Variants in TENT4B observed in about 807,000 individuals in gnomAD.
The protein encoded by TENT4B is terminal nucleotidyltransferase 4B, also known as PAP associated domain containing 5.
In TENT4B, 10 loss-of-function variants were observed where a neutral mutation model predicts 75.0. The ratio of observed to expected loss-of-function variants is 0.13; its 90% CI spans 0.08 to 0.23. TENT4B has a LOEUF of 0.23. Ranked by LOEUF, TENT4B falls within the 10% of genes least tolerant of loss-of-function variation. The pLI is 1.00. For missense variants in TENT4B, 579 were observed against 893.8 expected (o/e 0.65, Z 4.49); for synonymous variants, 350 against 357.7 (o/e 0.98, Z 0.24).
chr16:50,210,426 G>C (rs143872285), intron 1 of TENT4B, among the ~76,000 whole-genome samples: 44 of 152,282 alleles, frequency 2.9e-4, no homozygotes, highest in African/African-American at 1.0e-3. Context: ...GCGCCTATCC[G>C]CAGGGTGTGG....
chr16:50,215,457 A>T (rs544917841), intron 3 of TENT4B, among the ~76,000 whole-genome samples: 6 of 152,222 alleles, frequency 3.9e-5, no homozygotes, highest in Non-Finnish European at 8.8e-5. Flanking sequence ...CACCTTTCTT[A>T]AAAAATTTAA....
chr16:50,198,792 A>C (rs2030448648), intron 1 of TENT4B, among the ~76,000 whole-genome samples: 1 of 152,352 alleles, frequency 6.6e-6, no homozygotes, highest in Admixed American at 6.5e-5. Context: ...TAGATTTTAC[A>C]TGAATTTTAA....
chr16:50,170,885 T>C (rs2038193776), intron 1 of TENT4B, among the ~76,000 whole-genome samples: 1 of 152,062 alleles, frequency 6.6e-6, no homozygotes, highest in Non-Finnish European at 1.5e-5. Flanking sequence ...TAGGCTAGTC[T>C]CAAACTCCTG....
intron 1 of TENT4B, among the ~76,000 whole-genome samples, chr16:50,178,721 G>T (rs1166368265): frequency 1.3e-5 from 2 of 152,178 alleles, no homozygotes; most frequent in Non-Finnish European, 2.9e-5. Context: ...AATATTGCAT[G>T]ATTGCACTTA....
chr16:50,153,180 C>A (rs1000047653), upstream of TENT4B: 8 of 1,238 alleles, frequency 6.5e-3, no homozygotes, highest in South Asian at 0.023. Flanking sequence ...GAGGGCGGGG[C>A]GGTGGGGGGG....
chr16:50,233,727 T>G lies in TENT4B; in HGVS notation c.*4399T>G. 1.0e-6 allele frequency: 1 copy of G among 985,334 alleles called. No homozygotes were observed. Among genetic ancestry groups the G allele is most frequent in the Non-Finnish European group, 1.2e-6 (1 of 829,858 alleles). The allele number at this position is 985,334 out of a possible 1,614,324, so 61.0% of individuals were successfully genotyped here. On this transcript the variant is annotated 3_prime_UTR_variant, in exon 12 of 12. Transcript: ENST00000561678. ...GTGTTTGGCCTTTACATTTTCTACT[T>G]AAGTGTGTACTTTATTGAGTTTAAC...
rs185801941 is a variant in TENT4B, at chr16:50,216,442, C to A, written c.930+247C>A. On this transcript the variant is annotated intron_variant, in intron 4 of 11. Transcript: ENST00000561678. ...CCTTCTACCTCAGCCTCTTGGGGAG[C>A]TGTACTACAAACACAACCTGCCATG... Among the ~76,000 whole-genome samples the A allele has an allele frequency of 3.9e-5, 6 of 152,294 alleles. No homozygotes were observed. The East Asian group carries it at 5.8e-4, about 15-fold the overall frequency.
intron 10 of TENT4B, 79 bp from the exon 11 acceptor site, chr16:50,227,760 C>T (rs910850985): frequency 1.3e-6 from 2 of 1,519,556 alleles, no homozygotes; most frequent in African/African-American, 2.8e-5. Flanking sequence ...AGTACTTTAA[C>T]CAAAATTGTT....
chr16:50,230,649 G>A lies in TENT4B; in HGVS notation c.*1321G>A. The A allele has an allele frequency of 1.0e-6, 1 of 985,228 alleles. No homozygotes were observed. The highest frequency in any genetic ancestry group is 4.7e-5 in the South Asian group (1 of 21,266). 61.0% of individuals were successfully genotyped at this position (985,228 alleles called of 1,614,324 possible). On this transcript the variant is annotated 3_prime_UTR_variant, in exon 12 of 12. Transcript: ENST00000561678. ...CCATTCTTTATCCTCTTCTTTCATG[G>A]AATTGTTATCGTTAATTAAAACTTT...
At chr16:50,180,048 C>T (rs1173816190) in intron 1 of TENT4B, among the ~76,000 whole-genome samples, 5 of 152,006 alleles carry the variant, frequency 3.3e-5, no homozygotes, top group African/African-American at 4.8e-5. Context: ...ACCCACTTCT[C>T]AGGTACTCTG....
chr16:50,230,268 C>CT lies in TENT4B; in HGVS notation c.*950dup, dbSNP rs141953613. 4.4e-3 allele frequency: 3,916 copies of CT among 896,424 alleles called. 98 individuals are homozygous for CT. In the African/African-American group the frequency reaches 0.08, roughly 18 times the overall value. The allele number at this position is 896,424 out of a possible 1,614,324, so 55.5% of individuals were successfully genotyped here. On this transcript the variant is annotated 3_prime_UTR_variant, in exon 12 of 12. Transcript: ENST00000561678. Reference sequence around the variant, plus strand: ...ACTTTGTGTTTGCTTCCTTTGCAGTCTTTTTTTTTTCCCCCCATTTCTTCC... The same window carrying CT: ...ACTTTGTGTTTGCTTCCTTTGCAGTCTTTTTTTTTTTCCCCCCATTTCTTCC...
At chr16:50,203,486 T>C (rs933141786) in intron 1 of TENT4B, among the ~76,000 whole-genome samples, 3 of 152,264 alleles carry the variant, frequency 2.0e-5, no homozygotes, top group African/African-American at 4.8e-5. Context: ...CTTGTAAACC[T>C]TGGCTTTTTA....
chr16:50,234,553 AAT>A lies in TENT4B; in HGVS notation c.*5228_*5229del. On this transcript the variant is annotated 3_prime_UTR_variant, in exon 12 of 12. Transcript: ENST00000561678. ...TTTATATTTAGTTGCAATTTATTATAATATGTTGTTTTGTCCCTGAACTTAAT... is the reference window on the plus strand; with the variant it reads ...TTTATATTTAGTTGCAATTTATTATAATGTTGTTTTGTCCCTGAACTTAAT... 1 of 982,172 alleles carries A rather than the reference AAT, an allele frequency of 1.0e-6. No individual in the cohort carries two copies. Among genetic ancestry groups the A allele is most frequent in the Non-Finnish European group, 1.2e-6 (1 of 826,972 alleles). 60.8% of individuals were successfully genotyped at this position (982,172 alleles called of 1,614,324 possible). A position where few individuals can be genotyped will look rare whatever the true frequency, so the allele number is the denominator to read the frequency against.
At chr16:50,202,225 G>T (rs577198541) in intron 1 of TENT4B, among the ~76,000 whole-genome samples, 1 of 152,130 alleles carries the variant, frequency 6.6e-6, no homozygotes, top group Non-Finnish European at 1.5e-5. Context: ...AATGTAAGGT[G>T]CCCCTTTGGT....
intron 1 of TENT4B, among the ~76,000 whole-genome samples, chr16:50,162,890 A>G (rs766970321): frequency 5.3e-5 from 8 of 152,122 alleles, no homozygotes; most frequent in South Asian, 4.1e-4. Context: ...TGGCTTGGCT[A>G]TATTTTAGGG....
chr16:50,170,060 T>C lies in TENT4B; in HGVS notation c.638+15801T>C, dbSNP rs188293689. ...TTTCTTCAACTTGTGCTAATATTCT[T>C]TTTTTTTTTGAGATGGAGTCTCACA... is the stretch of plus-strand genomic sequence containing the variant. On this transcript the variant is annotated intron_variant, in intron 1 of 11. Transcript: ENST00000561678. 1.1e-3 allele frequency among the ~76,000 whole-genome samples: 168 copies of C among 150,566 alleles called. 1 individual carries two copies. In the Middle Eastern group the frequency reaches 0.017, roughly 16 times the overall value.
chr16:50,178,537 C>T (rs2150692391), intron 1 of TENT4B, among the ~76,000 whole-genome samples: 1 of 151,954 alleles, frequency 6.6e-6, no homozygotes, highest in Middle Eastern at 3.4e-3. Flanking sequence ...AAAAAAAAAT[C>T]AGAATGATGC....
intron 1 of TENT4B, among the ~76,000 whole-genome samples, chr16:50,175,210 G>A (rs1055868758): frequency 6.6e-6 from 1 of 151,998 alleles, no homozygotes; most frequent in Non-Finnish European, 1.5e-5. Context: ...TACGTGTTTT[G>A]CAAATATTTT....
At chr16:50,200,282 C>G (rs1020627386) in intron 1 of TENT4B, among the ~76,000 whole-genome samples, 1 of 151,644 alleles carries the variant, frequency 6.6e-6, no homozygotes, top group Non-Finnish European at 1.5e-5. Flanking sequence ...GGGAGGATCA[C>G]TTGAGCCCAG....
Sources: allele counts gnomAD v4.1 joint callset (sites outside exome capture counted in the v4.1 genomes callset), GRCh38; gene constraint gnomAD v4.1.1; transcripts MANE v1.5; gene names NCBI Gene and HGNC (gene_info 2026-07-23, HGNC 2026-07-21).